Variants in MYO16 observed in about 807,000 individuals in gnomAD.
MYO16 encodes the protein myosin XVI, also known as unconventional myosin-XVI.
A neutral mutation model predicts 205.3 loss-of-function variants in MYO16; 94 were observed. That is an observed-to-expected ratio of 0.46 (90% CI 0.39 to 0.54). The LOEUF is 0.54. MYO16 is among the 20% of genes least tolerant of loss of function. The pLI is 0.00. For synonymous variants in MYO16, 988 were observed against 954.0 expected (o/e 1.04, Z -0.66); for missense variants, 2,315 against 2,387.5 (o/e 0.97, Z 0.63).
intron 4 of MYO16, among the ~76,000 whole-genome samples, chr13:108,733,498 C>A (rs1303387929): frequency 6.6e-6 from 1 of 152,150 alleles, no homozygotes; most frequent in African/African-American, 2.4e-5. Context: ...GAACTTGGAC[C>A]CCTGACCACT....
At chr13:108,639,785 T>G (rs897702798) in intron 1 of MYO16, among the ~76,000 whole-genome samples, 4 of 152,190 alleles carry the variant, frequency 2.6e-5, no homozygotes, top group Non-Finnish European at 5.9e-5. Flanking sequence ...AGAGTTTGTG[T>G]TGGTGATTGA....
At chr13:108,570,996 A>T in the MYO16 span, among the ~76,000 whole-genome samples, 1 of 152,180 alleles carries the variant, frequency 6.6e-6, no homozygotes, top group African/African-American at 2.4e-5. Flanking sequence ...GTAAAGTAAG[A>T]CTCACAGGTT....
intron 2 of MYO16, among the ~76,000 whole-genome samples, chr13:108,693,807 C>T (rs1328657031): frequency 6.6e-6 from 1 of 152,136 alleles, no homozygotes; most frequent in African/African-American, 2.4e-5. Context: ...TTTCACCATC[C>T]AGGTATAAAG....
chr13:108,985,300 G>A (rs1186725037), intron 20 of MYO16, among the ~76,000 whole-genome samples: 1 of 152,202 alleles, frequency 6.6e-6, no homozygotes, highest in Non-Finnish European at 1.5e-5. Flanking sequence ...TGCATGGTCA[G>A]GAAATCCATC....
chr13:108,815,924 T>C (rs922075086), intron 7 of MYO16, among the ~76,000 whole-genome samples: 1 of 152,168 alleles, frequency 6.6e-6, no homozygotes, highest in African/African-American at 2.4e-5. Flanking sequence ...TCTATACACA[T>C]AAAGTTGTTA....
At chr13:109,065,266 T>G (rs1887709573) in intron 27 of MYO16, among the ~76,000 whole-genome samples, 1 of 152,132 alleles carries the variant, frequency 6.6e-6, no homozygotes, top group Non-Finnish European at 1.5e-5. Flanking sequence ...ATCAAAGCAC[T>G]TGAAACCAAC....
chr13:108,879,691 T>G (rs546849484), intron 12 of MYO16, among the ~76,000 whole-genome samples: 1 of 152,354 alleles, frequency 6.6e-6, no homozygotes. Flanking sequence ...GGACATGAAC[T>G]CATCCTTTTT....
At chr13:108,589,322 A>G in the MYO16 span, among the ~76,000 whole-genome samples, 1 of 152,068 alleles carries the variant, frequency 6.6e-6, no homozygotes, top group Non-Finnish European at 1.5e-5. Context: ...GTTTTGGTAT[A>G]TTTTCATATT....
chr13:108,625,526 A>G (rs992529), upstream of MYO16, among the ~76,000 whole-genome samples: 2 of 151,950 alleles, frequency 1.3e-5, no homozygotes, highest in Non-Finnish European at 2.9e-5. Context: ...TTCCCAGGAG[A>G]GGTCTTGACT....
At chr13:108,592,439 T>G (rs897684162), upstream of MYO16, among the ~76,000 whole-genome samples, 2 of 46,434 alleles carry the variant, frequency 4.3e-5, no homozygotes, top group Non-Finnish European at 3.9e-5. Flanking sequence ...GGGGGTATGT[T>G]GGGGGTATGA....
At chr13:108,990,398 C>G (rs1322068824) in intron 20 of MYO16, among the ~76,000 whole-genome samples, 4 of 152,102 alleles carry the variant, frequency 2.6e-5, no homozygotes, top group Non-Finnish European at 4.4e-5. Context: ...TTACATAACA[C>G]TTACCTATAA....
At chr13:108,797,922 A>G (rs913384607) in intron 6 of MYO16, among the ~76,000 whole-genome samples, 1 of 152,234 alleles carries the variant, frequency 6.6e-6, no homozygotes, top group African/African-American at 2.4e-5. Flanking sequence ...ATCATTTTCA[A>G]TCATTTTCAG....
At chr13:109,030,245 G>GATAT (rs1206720239) in intron 23 of MYO16, among the ~76,000 whole-genome samples, 33 of 151,386 alleles carry the variant, frequency 2.2e-4, no homozygotes, top group African/African-American at 7.3e-4. Flanking sequence ...AAATATTGAT[G>GATAT]ATATACAGAC....
At chr13:109,170,339 T>C (rs1278998224) in intron 33 of MYO16, among the ~76,000 whole-genome samples, 7 of 152,070 alleles carry the variant, frequency 4.6e-5, no homozygotes, top group Non-Finnish European at 1.0e-4. Context: ...AGGGCAATAC[T>C]ACTACACACA....
In MYO16 at chr13:109,206,924, G is replaced by GC; in HGVS notation, c.*88_*89insC. The GC allele has an allele frequency of 3.4e-6, 4 of 1,182,956 alleles. No homozygotes were observed. The highest frequency in any genetic ancestry group is 4.8e-6 in the Non-Finnish European group (4 of 830,480). The allele number at this position is 1,182,956 out of a possible 1,614,324, so 73.3% of individuals were successfully genotyped here. A position where few individuals can be genotyped will look rare whatever the true frequency, so the allele number is the denominator to read the frequency against. On this transcript the variant is annotated 3_prime_UTR_variant, in exon 35 of 35. Transcript: ENST00000457511. ...AAGGCTGCCTTCTGACATGCGCTGGGGCTTCTCTCCACGCATTTAGACAAA... is the reference window on the plus strand; with the variant it reads ...AAGGCTGCCTTCTGACATGCGCTGGGCGCTTCTCTCCACGCATTTAGACAAA...
At chr13:109,109,829 G>A (rs376328623) in intron 28 of MYO16, among the ~76,000 whole-genome samples, 5 of 152,180 alleles carry the variant, frequency 3.3e-5, no homozygotes, top group East Asian at 1.9e-4. Context: ...CAAAGCAAAC[G>A]TGAGCACACC....
chr13:108,912,455 T>G (rs1881311223), intron 16 of MYO16, among the ~76,000 whole-genome samples: 1 of 152,018 alleles, frequency 6.6e-6, no homozygotes, highest in African/African-American at 2.4e-5. Context: ...CAGGCAAAAG[T>G]GATAGAAATA....
chr13:109,017,356 C>A (rs1257431522), intron 22 of MYO16, among the ~76,000 whole-genome samples: 1 of 152,194 alleles, frequency 6.6e-6, no homozygotes, highest in African/African-American at 2.4e-5. Context: ...ATGGGCTTCC[C>A]TTTGTGGGTA....
chr13:108,931,175 GT>G (rs1053699253), intron 16 of MYO16, among the ~76,000 whole-genome samples: 4 of 152,134 alleles, frequency 2.6e-5, no homozygotes, highest in African/African-American at 9.7e-5. Context: ...CATATTTAAA[GT>G]TTTTATGATG....
Sources: gnomAD v4.1 joint callset for allele counts (sites outside exome capture counted in the v4.1 genomes callset) on GRCh38, gnomAD v4.1.1 for gene constraint, MANE v1.5 for transcripts, NCBI Gene and HGNC (gene_info 2026-07-23, HGNC 2026-07-21) for gene names.